Variants in NPAS3 observed in about 807,000 individuals in gnomAD.
NPAS3 encodes the protein neuronal PAS domain-containing protein 3.
A neutral mutation model predicts 73.1 loss-of-function variants in NPAS3; 14 were observed. The ratio of observed to expected loss-of-function variants is 0.19; its 90% CI spans 0.13 to 0.30. NPAS3 has a LOEUF of 0.30. NPAS3 is among the 10% of genes least tolerant of loss of function. The pLI is 1.00. For missense variants in NPAS3, 1,096 were observed against 1,250.0 expected, an observed-to-expected ratio of 0.88 and a Z score of 1.86; for synonymous variants, 620 against 541.5, an observed-to-expected ratio of 1.14 and a Z score of -2.01.
At chr14:33,128,748 T>C (rs1194956827) in intron 2 of NPAS3, among the ~76,000 whole-genome samples, 4 of 152,110 alleles carry the variant, frequency 2.6e-5, no homozygotes, top group African/African-American at 9.7e-5. Context: ...TTGAATACAT[T>C]GTGTTGCTTC....
rs145668557 is a variant in NPAS3, at chr14:33,030,153, A to G, written c.51-25752A>G. 1.4e-3 allele frequency among the ~76,000 whole-genome samples: 206 copies of G among 152,348 alleles called. 6 individuals are homozygous for G. The East Asian group carries it at 0.037, about 27-fold the overall frequency. On this transcript the variant is annotated intron_variant, in intron 1 of 11. Transcript: ENST00000356141. The stretch of plus-strand genomic sequence containing the variant: ...TTCAACCATTGAAGCAAAGACAGAA[A>G]GATGATTGAATTCAGTCTTAAATTT...
rs996910066 is a variant in NPAS3 at position 33,719,871 on chromosome 14, C to T, written c.734-15343C>T. Among the ~76,000 whole-genome samples, 3 of 152,092 alleles carry T rather than the reference C, an allele frequency of 2.0e-5. No homozygotes were observed. The East Asian group carries it at 5.8e-4, about 29-fold the overall frequency. On this transcript the variant is annotated intron_variant, in intron 6 of 11. Coordinates refer to ENST00000356141, the Ensembl canonical transcript of NPAS3. ...TTTCTTCTCAAGGTATTTGCAAAAC[C>T]TCCTCGTAAGACCCCTCCTTGTTGC...
chr14:33,595,764 G>A (rs1011937578), intron 5 of NPAS3, among the ~76,000 whole-genome samples: 1 of 152,220 alleles, frequency 6.6e-6, no homozygotes, highest in African/African-American at 2.4e-5. Context: ...TCCGCCGCCC[G>A]GGTTCACGCC....
chr14:33,541,603 G>A (rs552892366), intron 4 of NPAS3, among the ~76,000 whole-genome samples: 5 of 152,184 alleles, frequency 3.3e-5, no homozygotes, highest in Admixed American at 6.5e-5. Context: ...AAGGATACTC[G>A]TTGGCTCAGT....
chr14:33,441,541 G>C (rs1444044624), intron 4 of NPAS3, among the ~76,000 whole-genome samples: 1 of 152,144 alleles, frequency 6.6e-6, no homozygotes, highest in Non-Finnish European at 1.5e-5. Context: ...TGTTCCCTTT[G>C]AAGGCAGCCC....
chr14:33,254,476 C>A (rs1458279914), intron 3 of NPAS3, among the ~76,000 whole-genome samples: 7 of 152,096 alleles, frequency 4.6e-5, no homozygotes, highest in Non-Finnish European at 1.0e-4. Context: ...ACTCTCCTAT[C>A]AGCCTGTGTA....
intron 5 of NPAS3, among the ~76,000 whole-genome samples, chr14:33,644,786 C>G (rs1176057814): frequency 6.6e-6 from 1 of 151,894 alleles, no homozygotes; most frequent in East Asian, 1.9e-4. Context: ...AAATGCTAAT[C>G]AAGAATAAAG....
At chr14:32,978,120 T>C (rs1860221777) in intron 1 of NPAS3, among the ~76,000 whole-genome samples, 2 of 149,934 alleles carry the variant, frequency 1.3e-5, no homozygotes, top group African/African-American at 5.0e-5. Flanking sequence ...TGTGGGGGGG[T>C]GAGAAAACTT....
At chr14:33,613,981 C>G (rs1202562388) in intron 5 of NPAS3, among the ~76,000 whole-genome samples, 1 of 152,136 alleles carries the variant, frequency 6.6e-6, no homozygotes, top group African/African-American at 2.4e-5. Flanking sequence ...CCATGTCCCC[C>G]ATAATAGTCA....
At chr14:33,155,938 A>G (rs182810893) in intron 2 of NPAS3, among the ~76,000 whole-genome samples, 1 of 152,352 alleles carries the variant, frequency 6.6e-6, no homozygotes, top group East Asian at 1.9e-4. Flanking sequence ...CAATTTATTC[A>G]TTAATTTAAA....
intron 1 of NPAS3, among the ~76,000 whole-genome samples, chr14:33,034,695 T>C (rs2040104202): frequency 6.6e-6 from 1 of 152,146 alleles, no homozygotes; most frequent in Non-Finnish European, 1.5e-5. Context: ...AAAATAATTG[T>C]ATTCAACTTA....
In NPAS3 at chr14:33,758,162, C is replaced by T. The variant is rs528226916; in HGVS notation, c.853-16175C>T. Among the ~76,000 whole-genome samples, 3 of 152,280 alleles carry T rather than the reference C, an allele frequency of 2.0e-5. No individual in the cohort carries two copies. In the South Asian group the frequency reaches 6.2e-4, roughly 32 times the overall value. On this transcript the variant is annotated intron_variant, in intron 7 of 11. Transcript: ENST00000356141. ...ACAGCATTCATAGCATTCCACAATC[C>T]AGCCTGCTTCACCTCCTCCAGCACC...
At chr14:33,466,203 G>T (rs746403259) in intron 4 of NPAS3, among the ~76,000 whole-genome samples, 65 of 152,266 alleles carry the variant, frequency 4.3e-4, no homozygotes, top group Non-Finnish European at 8.2e-4. Flanking sequence ...ACCTGAGGGT[G>T]TGAAACCTGG....
chr14:33,686,680 T>C (rs993750412), intron 6 of NPAS3, among the ~76,000 whole-genome samples: 9 of 152,186 alleles, frequency 5.9e-5, no homozygotes, highest in African/African-American at 9.6e-5. Context: ...GTCATACAGA[T>C]AGTAGGTAGA....
chr14:33,712,726 G>T (rs2060854941), intron 6 of NPAS3, among the ~76,000 whole-genome samples: 1 of 152,150 alleles, frequency 6.6e-6, no homozygotes. Flanking sequence ...ACACCAGGCT[G>T]CAGAATGTCT....
intron 5 of NPAS3, among the ~76,000 whole-genome samples, chr14:33,586,695 A>T (rs932269431): frequency 1.2e-4 from 18 of 152,196 alleles, no homozygotes; most frequent in Non-Finnish European, 2.1e-4. Flanking sequence ...GAAAAATATA[A>T]TTTTCTTTAA....
At chr14:33,736,271 T>A (rs936990741) in intron 7 of NPAS3, among the ~76,000 whole-genome samples, 1 of 152,140 alleles carries the variant, frequency 6.6e-6, no homozygotes, top group Non-Finnish European at 1.5e-5. Context: ...ACCTAAGCCA[T>A]CAGGAGACTA....
At chr14:33,194,154 GTAGT>G (rs1181827907) in intron 2 of NPAS3, among the ~76,000 whole-genome samples, 1 of 152,182 alleles carries the variant, frequency 6.6e-6, no homozygotes, top group Non-Finnish European at 1.5e-5. Flanking sequence ...CCAAATCACT[GTAGT>G]TAGTGTAAAA....
At chr14:33,237,472 G>A (rs1490487114) in intron 3 of NPAS3, among the ~76,000 whole-genome samples, 1 of 152,040 alleles carries the variant, frequency 6.6e-6, no homozygotes, top group Non-Finnish European at 1.5e-5. Flanking sequence ...GTGGATGTGG[G>A]ATGTTTCAAT....
Sources: gnomAD v4.1 joint callset for allele counts (sites outside exome capture counted in the v4.1 genomes callset) on GRCh38, gnomAD v4.1.1 for gene constraint, MANE v1.5 for transcripts, NCBI Gene and HGNC (gene_info 2026-07-23, HGNC 2026-07-21) for gene names.